Variants in SRRM2 observed in about 807,000 individuals in gnomAD.
SRRM2 encodes serine/arginine repetitive matrix 2, also known as serine/arginine repetitive matrix protein 2.
A neutral mutation model predicts 213.8 loss-of-function variants in SRRM2; 30 were observed. That is an observed-to-expected ratio of 0.14 (90% CI 0.10 to 0.19). The LOEUF is 0.19. Among genes scored for constraint, SRRM2 ranks in the 10% least tolerant of loss-of-function variants. SRRM2 has a pLI of 1.00. For synonymous variants in SRRM2, 2,025 were observed against 1,377.7 expected, an observed-to-expected ratio of 1.47 and a Z score of -10.40; for missense variants, 4,904 against 3,647.0, an observed-to-expected ratio of 1.34 and a Z score of -8.88.
Position 2,770,749 on chromosome 16 carries a change from C to A in SRRM2, c.8249+32C>A. 2.5e-6 allele frequency: 4 copies of A among 1,589,520 alleles called. No homozygotes were observed. In the South Asian group the frequency reaches 4.5e-5, roughly 18 times the overall value. ...GTCCTGGAAGGCTGATGCCCCCTTC[C>A]GGGAGCCAGTTGTGGTGGTGGGTGG... On this transcript the variant is annotated intron_variant, in intron 14 of 14. Coordinates refer to ENST00000301740, the MANE Select transcript of SRRM2 (RefSeq NM_016333.4).
chr16:2,766,888 T>C lies in SRRM2; in HGVS notation c.6360T>C (p.Pro2120=), dbSNP rs764595878. The C allele has an allele frequency of 3.1e-6, 5 of 1,614,106 alleles. No homozygotes were observed. The highest frequency in any genetic ancestry group is 4.2e-6 in the Non-Finnish European group (5 of 1,180,004). The part of the protein sequence containing the change: ...NSSRMSCFSR[P]SMSPTPLDRC... ...CCAGAATGAGCTGCTTCAGTCGTCCTAGCATGTCCCCAACACCTCTTGATC... is the reference window on the plus strand; with the variant it reads ...CCAGAATGAGCTGCTTCAGTCGTCCCAGCATGTCCCCAACACCTCTTGATC... The change falls in exon 11 of 15, where the codon CCT becomes CCC. Residue 2120 remains proline, a synonymous_variant. Coordinates refer to ENST00000301740, the MANE Select transcript of SRRM2 (RefSeq NM_016333.4). The surrounding 1 kb of genome is among the most constrained non-coding windows in gnomAD (Gnocchi z 7.0).
intron 2 of SRRM2, 133 bp downstream of exon 2, chr16:2,756,739 G>A: frequency 7.8e-7 from 1 of 1,278,000 alleles, no homozygotes; most frequent in East Asian, 2.4e-5. Context: ...AGGCAGATGA[G>A]CTCTAGAGAA....
Position 2,763,153 on chromosome 16 carries a change from A to T in SRRM2, c.2625A>T (p.Ser875=). The T allele has an allele frequency of 6.2e-7, 1 of 1,614,152 alleles. No homozygotes were observed. Among genetic ancestry groups the T allele is most frequent in the Non-Finnish European group, 8.5e-7 (1 of 1,180,028 alleles). The change falls in exon 11 of 15, where the codon TCA becomes TCT. Residue 875 remains serine (S), a synonymous_variant. Coordinates refer to ENST00000301740, the MANE Select transcript of SRRM2 (RefSeq NM_016333.4). ...VTPQRRSCFE[S]SPDPELKSRT... is the part of the protein sequence containing the mutation. ...CACAGAGACGGAGCTGTTTTGAATC[A>T]TCACCTGACCCTGAGTTGAAATCTA...
intron 1 of SRRM2, among the ~76,000 whole-genome samples, chr16:2,753,136 C>T (rs1432225101): frequency 6.6e-6 from 1 of 151,300 alleles, no homozygotes; most frequent in Non-Finnish European, 1.5e-5. Context: ...GCCTCGGCTT[C>T]ACTCCTCCCC....
At chr16:2,753,318 C>T (rs997136367) in intron 1 of SRRM2, 6 of 152,288 alleles carry the variant, frequency 3.9e-5, no homozygotes, top group South Asian at 4.1e-4. Context: ...GCCTCCCAGA[C>T]TGCGGGACGC....
Position 2,769,152 on chromosome 16 carries a change from C to T in SRRM2, c.7889C>T (p.Ser2630Phe), listed in dbSNP as rs1305103824. Reference sequence around the variant, plus strand: ...TCCTCCTCCTCCTCTTCTTCCTCCTCCTCTTCCTCTTCTTCTTCTTCCTCC... The same window carrying T: ...TCCTCCTCCTCCTCTTCTTCCTCCTTCTCTTCCTCTTCTTCTTCTTCCTCC... ...SSSSSSSSSS[S>F]SSSSSSSSSS... The change falls in exon 12 of 15, where the codon TCC becomes TTC. Residue 2630 changes from serine (S) to phenylalanine (F), a missense_variant. Ser to Phe is a radical substitution (Grantham distance 155). Coordinates refer to ENST00000301740, the MANE Select transcript of SRRM2 (RefSeq NM_016333.4). The T allele has an allele frequency of 1.1e-5, 17 of 1,612,172 alleles. No individual in the cohort carries two copies. Among genetic ancestry groups the T allele is most frequent in the Non-Finnish European group, 1.4e-5 (16 of 1,178,516 alleles).
chr16:2,763,527 A>G lies in SRRM2; in HGVS notation c.2999A>G (p.Lys1000Arg), dbSNP rs143723102. The change falls in exon 11 of 15, where the codon AAG becomes AGG. Residue 1000 changes from lysine to arginine, a missense_variant. Lys to Arg is a conservative substitution (Grantham distance 26, BLOSUM62 2). Transcript: ENST00000301740. ...TCTATTTCACCATACCCCAAAGTAA[A>G]GGCCCAAACTCCACCGGGGCCAAGT... ...SGSISPYPKVKAQTPPGPSLS... is the reference protein window; with the variant it reads ...SGSISPYPKVRAQTPPGPSLS... The G allele has an allele frequency of 4.3e-6, 7 of 1,614,044 alleles. No homozygotes were observed. In the African/African-American group the frequency reaches 9.3e-5, roughly 22 times the overall value.
At position 2,766,121 on chromosome 16, in the gene SRRM2, A is replaced by G; in HGVS notation, c.5593A>G (p.Arg1865Gly). 3 of 1,614,126 alleles carry G rather than the reference A, an allele frequency of 1.9e-6. No homozygotes were observed. The highest frequency in any genetic ancestry group is 2.5e-6 in the Non-Finnish European group (3 of 1,180,014). ...RTSPAPWKRS[R>G]SRASPATHRR... The stretch of plus-strand genomic sequence containing the variant: ...ATCACCAGCCCCGTGGAAACGCTCT[A>G]GATCTCGAGCCTCTCCAGCCACTCA... The change falls in exon 11 of 15, where the codon AGA (arginine) becomes GGA (glycine). Residue 1865 changes from arginine to glycine, a missense_variant. Coordinates refer to ENST00000301740, the MANE Select transcript of SRRM2 (RefSeq NM_016333.4). This position sits in a 1 kb window ranked among gnomAD's most constrained non-coding sequence, Gnocchi z 7.0.
chr16:2,761,338 C>G (rs1017500595), intron 10 of SRRM2, among the ~76,000 whole-genome samples: 6 of 152,108 alleles, frequency 3.9e-5, no homozygotes, highest in African/African-American at 1.4e-4. Context: ...TAGTTATTTG[C>G]ATTTTGTGTT....
Position 2,765,385 on chromosome 16 carries a change from T to C in SRRM2, c.4857T>C (p.Asp1619=). The change falls in exon 11 of 15, where the codon GAT becomes GAC. Residue 1619 remains aspartate, a synonymous_variant. Transcript: ENST00000301740. The part of the protein sequence containing the change: ...RAAPRAQSGS[D]SSPEPKAPAP... ...CACCCAGGGCACAGAGTGGTTCTGA[T>C]TCCTCTCCTGAACCTAAAGCTCCAG... 6.2e-7 allele frequency: 1 copy of C among 1,614,156 alleles called. No homozygotes were observed.
intron 2 of SRRM2, among the ~76,000 whole-genome samples, chr16:2,757,234 CTT>C (rs147610080): frequency 0.094 from 14,316 of 152,108 alleles, 798 homozygotes; most frequent in African/African-American, 0.14. Flanking sequence ...GCTTGCTTAA[CTT>C]TTTTCTTTTG....
intron 1 of SRRM2, among the ~76,000 whole-genome samples, chr16:2,754,100 T>C (rs909069279): frequency 6.6e-6 from 1 of 152,294 alleles, no homozygotes; most frequent in East Asian, 1.9e-4. Flanking sequence ...GCCCCCACTT[T>C]AAGAGTTTTG....
rs143147054 is a variant in SRRM2 at position 2,765,474 on chromosome 16, C to G, written c.4946C>G (p.Pro1649Arg). ...GSSSKGRGPS[P>R]EGSSSTESSP... ...TCAAGCAAAGGCAGAGGCCCTTCTC[C>G]TGAAGGAAGCAGCAGTACCGAGTCC... is the stretch of plus-strand genomic sequence containing the variant. The change falls in exon 11 of 15, where the codon CCT becomes CGT. Residue 1649 changes from proline to arginine, a missense_variant. By Grantham distance (103) the Pro-to-Arg change is moderately radical. Transcript: ENST00000301740. 6.2e-7 allele frequency: 1 copy of G among 1,614,190 alleles called. No homozygotes were observed. Among genetic ancestry groups the G allele is most frequent in the South Asian group, 1.1e-5 (1 of 91,086 alleles).
At chr16:2,759,303 T>C in intron 7 of SRRM2, 49 bp from the exon 8 acceptor site, 22 of 1,610,418 alleles carry the variant, frequency 1.4e-5, no homozygotes, top group Non-Finnish European at 1.8e-5. Context: ...TTTGGTTTTA[T>C]TTCCTTTTTT....
intron 1 of SRRM2, chr16:2,753,331 C>T (rs1184299199): frequency 6.6e-6 from 1 of 152,252 alleles, no homozygotes; most frequent in African/African-American, 2.4e-5. Context: ...CGGGACGCCG[C>T]GCAGCCCCCT....
intron 5 of SRRM2, 179 bp from the exon 6 acceptor site, chr16:2,758,806 C>T (rs1002810569): frequency 2.9e-5 from 21 of 734,058 alleles, no homozygotes; most frequent in Admixed American, 8.8e-5. Context: ...GGTTTGTTGA[C>T]TTAAGGAGTT....
rs903459169 is a variant in SRRM2 at position 2,764,145 on chromosome 16, T to A, written c.3617T>A (p.Leu1206His). ...TCTTCACTGGTATTCAAAGACACAC[T>A]TAGAACCCCGCCAAGGGAAAGAAGT... ...PESSLVFKDTLRTPPRERSGA... is the reference protein window; with the variant it reads ...PESSLVFKDTHRTPPRERSGA... The change falls in exon 11 of 15, where the codon CTT (leucine) becomes CAT (histidine). Residue 1206 changes from leucine (L) to histidine (H), a missense_variant. Physicochemically the swap from Leu to His is moderately conservative, Grantham distance 99. Transcript: ENST00000301740. 11 of 1,614,106 alleles carry A rather than the reference T, an allele frequency of 6.8e-6. No individual in the cohort carries two copies. Among genetic ancestry groups the A allele is most frequent in the Non-Finnish European group, 9.3e-6 (11 of 1,180,016 alleles).
At chr16:2,759,940 G>A (rs753387219) in intron 9 of SRRM2, 27 of 540,716 alleles carry the variant, frequency 5.0e-5, no homozygotes, top group Non-Finnish European at 7.6e-5. Flanking sequence ...GTGGTGTCTG[G>A]GGGAGGAAGG....
At position 2,766,535 on chromosome 16, in the gene SRRM2, CGAA is replaced by C. The variant is rs1347417893; in HGVS notation, c.6012_6014del (p.Arg2005del). On this transcript the variant is annotated inframe_deletion, in exon 11 of 15. Transcript: ENST00000301740. The surrounding 1 kb of genome is among the most constrained non-coding windows in gnomAD (Gnocchi z 7.0). ...TCGATCTCGCACATCTCCAGTAACT[CGAA>C]GAAGGTCCCGCTCTCGAACCTCACC... The C allele has an allele frequency of 1.9e-6, 3 of 1,613,764 alleles. No individual in the cohort carries two copies. Among genetic ancestry groups the C allele is most frequent in the Non-Finnish European group, 2.5e-6 (3 of 1,179,954 alleles).
Sources: gnomAD v4.1 joint callset for allele counts (sites outside exome capture counted in the v4.1 genomes callset) on GRCh38, gnomAD v4.1.1 for gene constraint, Gnocchi (gnomAD v3.1) non-coding constraint, MANE v1.5 for transcripts, NCBI Gene and HGNC (gene_info 2026-07-23, HGNC 2026-07-21) for gene names.